Variants in ANKHD1 observed in about 807,000 individuals in gnomAD.
ANKHD1 encodes the protein ankyrin repeat and KH domain-containing protein 1.
Under a neutral mutation model 230.5 loss-of-function variants are expected in ANKHD1, and 31 were observed. The ratio of observed to expected loss-of-function variants is 0.13; its 90% CI spans 0.10 to 0.18. The LOEUF is 0.18. ANKHD1 is among the 10% of genes least tolerant of loss of function. ANKHD1 has a pLI of 1.00. For missense variants in ANKHD1, 2,256 were observed against 3,071.3 expected, an observed-to-expected ratio of 0.73 and a Z score of 6.27; for synonymous variants, 1,074 against 1,117.6, an observed-to-expected ratio of 0.96 and a Z score of 0.78.
At chr5:140,531,543 A>T (rs957605660) in intron 29 of ANKHD1, among the ~76,000 whole-genome samples, 10 of 152,130 alleles carry the variant, frequency 6.6e-5, no homozygotes, top group African/African-American at 2.4e-4. Flanking sequence ...ATCATGCCAC[A>T]GCACTCCAAG....
At chr5:140,511,471 A>G (rs1336829059) in intron 22 of ANKHD1, among the ~76,000 whole-genome samples, 1 of 152,166 alleles carries the variant, frequency 6.6e-6, no homozygotes, top group Non-Finnish European at 1.5e-5. Context: ...GTTCTCAAAG[A>G]GTATTTCTCT....
rs1300193190 is a variant in ANKHD1 at position 140,427,425 on chromosome 5, A to AC, written c.307-8673dup. On this transcript the variant is annotated intron_variant, in intron 1 of 33. Coordinates refer to ENST00000360839, the MANE Select transcript of ANKHD1 (RefSeq NM_017747.3). ...GGGCGGCTGGCCGGGCGGGGGGCTG[A>AC]CCCCCCAACCTCTCTCCCGGACGGG... Among the ~76,000 whole-genome samples the AC allele has an allele frequency of 1.6e-4, 15 of 92,882 alleles. No homozygotes were observed. The East Asian group carries it at 2.2e-3, about 14-fold the overall frequency. The allele number at this position is 92,882 out of a possible 152,430, so 60.9% of individuals were successfully genotyped here. A position where few individuals can be genotyped will look rare whatever the true frequency, so the allele number is the denominator to read the frequency against.
rs373797804 is a variant in ANKHD1 at position 140,438,340 on chromosome 5, A to G, written c.461-121A>G. On this transcript the variant is annotated intron_variant, in intron 2 of 33. Coordinates refer to ENST00000360839, the MANE Select transcript of ANKHD1 (RefSeq NM_017747.3). Reference sequence around the variant, plus strand: ...GCCTTATCTTCTGTCAACCTAACCTATGGATTCTATACCATTTCTTTTTCC... The same window carrying G: ...GCCTTATCTTCTGTCAACCTAACCTGTGGATTCTATACCATTTCTTTTTCC... 180 of 1,362,174 alleles carry G rather than the reference A, an allele frequency of 1.3e-4. No homozygotes were observed. The African/African-American group carries it at 2.5e-3, about 19-fold the overall frequency. 84.4% of individuals were successfully genotyped at this position (1,362,174 alleles called of 1,614,324 possible).
chr5:140,486,620 A>G (rs921543421), intron 13 of ANKHD1: 5 of 161,308 alleles, frequency 3.1e-5, no homozygotes, highest in African/African-American at 9.6e-5. Flanking sequence ...CTTTTGATCC[A>G]TGTAGAATTT....
At chr5:140,442,197 T>C (rs1335593592) in intron 5 of ANKHD1, among the ~76,000 whole-genome samples, 1 of 151,630 alleles carries the variant, frequency 6.6e-6, no homozygotes, top group East Asian at 1.9e-4. Context: ...GTACCACCAC[T>C]CCCGGCTAAT....
intron 1 of ANKHD1, among the ~76,000 whole-genome samples, chr5:140,413,717 G>A (rs1414373476): frequency 1.3e-5 from 2 of 151,988 alleles, no homozygotes; most frequent in African/African-American, 4.8e-5. Context: ...ATGTGTGTGT[G>A]TATATATGTA....
intron 10 of ANKHD1, among the ~76,000 whole-genome samples, chr5:140,475,130 C>G (rs1244108672): frequency 1.3e-5 from 2 of 152,118 alleles, no homozygotes; most frequent in African/African-American, 2.4e-5. Context: ...CTTTTCAGCT[C>G]TCTCCAGGTT....
intron 1 of ANKHD1, among the ~76,000 whole-genome samples, chr5:140,403,424 G>GT (rs1770153274): frequency 6.6e-6 from 1 of 150,982 alleles, no homozygotes; most frequent in African/African-American, 2.4e-5. Flanking sequence ...TTTTGTTTTT[G>GT]TTTTTTGAGA....
intron 24 of ANKHD1, among the ~76,000 whole-genome samples, chr5:140,515,907 A>G (rs1752981400): frequency 6.6e-6 from 1 of 152,248 alleles, no homozygotes; most frequent in African/African-American, 2.4e-5. Context: ...CTCCAAAGGA[A>G]CAAAGTTCCT....
chr5:140,504,071 T>A (rs1752437319), intron 15 of ANKHD1, among the ~76,000 whole-genome samples: 1 of 151,878 alleles, frequency 6.6e-6, no homozygotes, highest in Non-Finnish European at 1.5e-5. Context: ...CCCTTTTTTT[T>A]AGATGTAGTC....
chr5:140,437,181 T>A (rs145641683), intron 2 of ANKHD1, among the ~76,000 whole-genome samples: 46 of 152,316 alleles, frequency 3.0e-4, no homozygotes, highest in African/African-American at 9.9e-4. Flanking sequence ...CCATGACAGT[T>A]TATGTTGATC....
At chr5:140,537,159 A>C in intron 30 of ANKHD1, 1 of 642,454 alleles carries the variant, frequency 1.6e-6, no homozygotes, top group Non-Finnish European at 2.3e-6. Flanking sequence ...TATACTTATT[A>C]TAGGCAGAAA....
Position 140,441,123 on chromosome 5 carries a change from C to G in ANKHD1, c.894C>G (p.Val298=). 6.2e-7 allele frequency: 1 copy of G among 1,600,762 alleles called. No individual in the cohort carries two copies. Among genetic ancestry groups the G allele is most frequent in the Non-Finnish European group, 8.5e-7 (1 of 1,175,118 alleles). The change falls in exon 5 of 34, where the codon GTC becomes GTG. Residue 298 remains valine, a synonymous_variant. Transcript: ENST00000360839. ...TATTACTTCTTCATGATGCTGATGTCAACTCCCAGTCTGCAACAGGTATGT... is the reference window on the plus strand; with the variant it reads ...TATTACTTCTTCATGATGCTGATGTGAACTCCCAGTCTGCAACAGGTATGT... ...VKLLLLHDAD[V]NSQSATGNTA...
chr5:140,528,459 A>G lies in ANKHD1; in HGVS notation c.5513A>G (p.Asn1838Ser), dbSNP rs1458095903. Reference sequence around the variant, plus strand: ...AAACTTAATAAGAATGTTCCAACAAATGTACGTTCTTCTTTCCCAGTTTCT... The same window carrying G: ...AAACTTAATAAGAATGTTCCAACAAGTGTACGTTCTTCTTTCCCAGTTTCT... ...ANKLNKNVPTNVRSSFPVSLP... is the reference protein window; with the variant it reads ...ANKLNKNVPTSVRSSFPVSLP... Residue 1838 changes from asparagine to serine, a missense_variant, in exon 29 of 34, where the codon AAT becomes AGT. Coordinates refer to ENST00000360839, the MANE Select transcript of ANKHD1 (RefSeq NM_017747.3). 1 of 1,614,048 alleles carries G rather than the reference A, an allele frequency of 6.2e-7. No homozygotes were observed. Among genetic ancestry groups the G allele is most frequent in the Non-Finnish European group, 8.5e-7 (1 of 1,180,042 alleles).
intron 10 of ANKHD1, among the ~76,000 whole-genome samples, chr5:140,478,748 G>A (rs530108383): frequency 3.3e-5 from 5 of 151,830 alleles, no homozygotes; most frequent in African/African-American, 1.2e-4. Flanking sequence ...AGGTTCAAGC[G>A]ATTCTCCTGC....
At chr5:140,414,540 T>C (rs929681677) in intron 1 of ANKHD1, among the ~76,000 whole-genome samples, 5 of 152,130 alleles carry the variant, frequency 3.3e-5, no homozygotes, top group African/African-American at 9.7e-5. Context: ...TAAAAAGAAA[T>C]TGTATTGCCG....
chr5:140,500,310 ATACTT>A (rs960995378), intron 15 of ANKHD1, among the ~76,000 whole-genome samples: 7 of 152,192 alleles, frequency 4.6e-5, no homozygotes, highest in Non-Finnish European at 8.8e-5. Context: ...AATTATAATA[ATACTT>A]TAAATAAGTC....
At chr5:140,535,564 C>G (rs1287605419) in intron 30 of ANKHD1, 26 bp downstream of exon 30, 3 of 1,557,624 alleles carry the variant, frequency 1.9e-6, no homozygotes, top group Non-Finnish European at 2.6e-6. Flanking sequence ...GAACTCTTCC[C>G]AAAGAGTTTT....
intron 6 of ANKHD1, 104 bp from the exon 7 acceptor site, chr5:140,449,107 A>G (rs761436347): frequency 5.8e-6 from 7 of 1,202,462 alleles, no homozygotes; most frequent in Non-Finnish European, 8.1e-6. Context: ...AAAATAAGTT[A>G]TCAAATTCTT....
Sources: gnomAD v4.1 joint callset for allele counts (sites outside exome capture counted in the v4.1 genomes callset) on GRCh38, gnomAD v4.1.1 for gene constraint, MANE v1.5 for transcripts, NCBI Gene and HGNC (gene_info 2026-07-23, HGNC 2026-07-21) for gene names.